The following GRB14 variants were observed in gnomAD, a reference collection of about 807,000 sequenced individuals.
GRB14 encodes growth factor receptor-bound protein 14.
In GRB14, 38 loss-of-function variants were observed where a neutral mutation model predicts 69.1. The observed-to-expected ratio is 0.55, with a 90% CI of 0.42 to 0.72. The LOEUF (loss-of-function observed/expected upper bound fraction) is 0.72. Ranked by LOEUF, GRB14 falls within the 30% of genes least tolerant of loss-of-function variation. The probability of loss-of-function intolerance (pLI) is 0.00; values close to 1 mark genes in which losing one functional copy is unlikely to be tolerated. For synonymous variants in GRB14, 247 were observed against 241.3 expected (o/e 1.02, Z -0.22); for missense variants, 666 against 666.1 (o/e 1.00, Z 0.00).
intron 2 of GRB14, among the ~76,000 whole-genome samples, chr2:164,556,865 C>T (rs748431815): frequency 1.3e-5 from 2 of 152,076 alleles, no homozygotes; most frequent in African/African-American, 2.4e-5. Flanking sequence ...GGGCACACAG[C>T]GACAGTCAAA....
intron 2 of GRB14, among the ~76,000 whole-genome samples, chr2:164,596,522 T>C (rs1209420444): frequency 6.6e-6 from 1 of 152,202 alleles, no homozygotes; most frequent in Non-Finnish European, 1.5e-5. Flanking sequence ...TTTCCTTACA[T>C]GTTATTCTAA....
At chr2:164,569,034 T>A (rs1271538457) in intron 2 of GRB14, among the ~76,000 whole-genome samples, 1 of 152,104 alleles carries the variant, frequency 6.6e-6, no homozygotes, top group Non-Finnish European at 1.5e-5. Context: ...CTGTTAAATA[T>A]TATTTTAACA....
chr2:164,579,326 T>C (rs1218896377), intron 2 of GRB14, among the ~76,000 whole-genome samples: 2 of 152,054 alleles, frequency 1.3e-5, no homozygotes, highest in Non-Finnish European at 2.9e-5. Context: ...TGAAATAAAT[T>C]TGAGCTATAT....
chr2:164,520,149 C>T (rs1052001224), intron 6 of GRB14, among the ~76,000 whole-genome samples: 1 of 152,024 alleles, frequency 6.6e-6, no homozygotes, highest in Non-Finnish European at 1.5e-5. Context: ...CAGTAAAGTA[C>T]TGGTATAAAA....
At chr2:164,498,977 G>A (rs1469817701) in intron 9 of GRB14, among the ~76,000 whole-genome samples, 1 of 152,012 alleles carries the variant, frequency 6.6e-6, no homozygotes, top group African/African-American at 2.4e-5. Flanking sequence ...ATCTCTATTT[G>A]CTGTCACACC....
intron 2 of GRB14, among the ~76,000 whole-genome samples, chr2:164,555,218 A>C (rs1300509700): frequency 4.6e-5 from 7 of 152,234 alleles, no homozygotes; most frequent in Admixed American, 1.3e-4. Flanking sequence ...ATCCTTTTCA[A>C]TGTGAATTCA....
intron 3 of GRB14, among the ~76,000 whole-genome samples, chr2:164,545,556 C>T (rs1688353154): frequency 6.6e-6 from 1 of 152,270 alleles, no homozygotes; most frequent in East Asian, 1.9e-4. Flanking sequence ...CCAGAGGACA[C>T]ACATCCCTGA....
intron 9 of GRB14, 107 bp from the exon 10 acceptor site, chr2:164,497,597 T>C (rs1037254292): frequency 2.7e-6 from 2 of 746,512 alleles, no homozygotes; most frequent in Non-Finnish European, 4.5e-6. Context: ...AGTGTTTTTC[T>C]GGCAGTACAT....
chr2:164,575,510 A>G (rs983912353), intron 2 of GRB14, among the ~76,000 whole-genome samples: 37 of 152,180 alleles, frequency 2.4e-4, no homozygotes, highest in Non-Finnish European at 5.9e-5. Context: ...AATATGAATG[A>G]TAAAATTTTT....
chr2:164,549,363 A>C (rs537236969), intron 2 of GRB14, among the ~76,000 whole-genome samples: 1 of 152,312 alleles, frequency 6.6e-6, no homozygotes, highest in East Asian at 1.9e-4. Context: ...GCAAAGATTA[A>C]TCAGTTATAA....
chr2:164,507,137 T>C (rs906291623), intron 8 of GRB14, among the ~76,000 whole-genome samples: 4 of 152,206 alleles, frequency 2.6e-5, no homozygotes, highest in Non-Finnish European at 5.9e-5. Context: ...AATAAAACTT[T>C]CTTCTAAACC....
intron 2 of GRB14, among the ~76,000 whole-genome samples, chr2:164,594,370 T>C (rs1689736801): frequency 6.6e-6 from 1 of 152,196 alleles, no homozygotes; most frequent in African/African-American, 2.4e-5. Flanking sequence ...CATGGCTATT[T>C]TCATATTTAA....
intron 6 of GRB14, among the ~76,000 whole-genome samples, chr2:164,520,750 T>A (rs1444651626): frequency 2.6e-5 from 4 of 151,548 alleles, no homozygotes; most frequent in Admixed American, 2.6e-4. Flanking sequence ...AACAAACATA[T>A]GAAAAAAATA....
chr2:164,597,993 G>C (rs1039752624), intron 2 of GRB14, among the ~76,000 whole-genome samples: 1 of 151,844 alleles, frequency 6.6e-6, no homozygotes, highest in Non-Finnish European at 1.5e-5. Flanking sequence ...TAACCAACAA[G>C]AAGTCCTGAA....
At chr2:164,548,589 G>A (rs1688446330) in intron 2 of GRB14, among the ~76,000 whole-genome samples, 1 of 152,048 alleles carries the variant, frequency 6.6e-6, no homozygotes, top group South Asian at 2.1e-4. Flanking sequence ...AGGGATTGCT[G>A]GGTCATATAT....
intron 3 of GRB14, among the ~76,000 whole-genome samples, chr2:164,533,373 C>T (rs1688000883): frequency 6.6e-6 from 1 of 151,306 alleles, no homozygotes; most frequent in South Asian, 2.1e-4. Flanking sequence ...GCTGGGACTA[C>T]AGGCACCCGC....
At chr2:164,540,154 TGC>T in intron 3 of GRB14, among the ~76,000 whole-genome samples, 1 of 152,168 alleles carries the variant, frequency 6.6e-6, no homozygotes, top group Middle Eastern at 3.2e-3. Flanking sequence ...GCCCCTAGGC[TGC>T]TTCCTGAACA....
chr2:164,527,228 C>G (rs1440342197), intron 3 of GRB14, 93 bp from the exon 4 acceptor site: 2 of 260,592 alleles, frequency 7.7e-6, no homozygotes, highest in South Asian at 8.1e-5. Context: ...TATACACACA[C>G]AGACACATAC....
chr2:164,571,863 TACA>T (rs1689131324), intron 2 of GRB14, among the ~76,000 whole-genome samples: 1 of 152,238 alleles, frequency 6.6e-6, no homozygotes, highest in Admixed American at 6.5e-5. Context: ...TATTCCACTC[TACA>T]ACATGTGTTT....
Sources: gnomAD v4.1 joint callset for allele counts (sites outside exome capture counted in the v4.1 genomes callset) on GRCh38, gnomAD v4.1.1 for gene constraint, MANE v1.5 for transcripts, NCBI Gene and HGNC (gene_info 2026-07-23, HGNC 2026-07-21) for gene names.